CLSTN1: variants seen among roughly 807,000 people sequenced by gnomAD.
CLSTN1 encodes the protein calsyntenin-1.
A neutral mutation model predicts 108.3 loss-of-function variants in CLSTN1; 28 were observed. That is an observed-to-expected ratio of 0.26 (90% CI 0.19 to 0.35). The LOEUF is 0.35. Ranked by LOEUF, CLSTN1 falls within the 10% of genes least tolerant of loss-of-function variation. The pLI, the probability that CLSTN1 is intolerant of heterozygous loss-of-function variation, is 1.00. For synonymous variants in CLSTN1, 524 were observed against 534.9 expected (o/e 0.98, Z 0.28); for missense variants, 1,157 against 1,302.6 (o/e 0.89, Z 1.72).
intron 1 of CLSTN1, among the ~76,000 whole-genome samples, chr1:9,791,189 T>C (rs1232738767): frequency 6.7e-6 from 1 of 149,396 alleles, no homozygotes; most frequent in Non-Finnish European, 1.5e-5. Flanking sequence ...CTGTTAAACC[T>C]GGCTTAAATA....
chr1:9,778,525 A>G (rs1653068398), intron 1 of CLSTN1, among the ~76,000 whole-genome samples: 1 of 152,148 alleles, frequency 6.6e-6, no homozygotes, highest in African/African-American at 2.4e-5. Flanking sequence ...AGAGAGCTAG[A>G]AAATCTAGAG....
intron 1 of CLSTN1, among the ~76,000 whole-genome samples, chr1:9,789,296 C>G (rs937552820): frequency 6.6e-6 from 1 of 151,466 alleles, no homozygotes; most frequent in African/African-American, 2.4e-5. Context: ...ATTTTCCATT[C>G]CCACCAACCG....
intron 1 of CLSTN1, among the ~76,000 whole-genome samples, chr1:9,820,374 C>T (rs1655146882): frequency 6.6e-6 from 1 of 151,970 alleles, no homozygotes; most frequent in South Asian, 2.1e-4. Context: ...CAAAAATGAG[C>T]CCAGTGTGAT....
At chr1:9,768,309 T>C (rs906181366) in intron 2 of CLSTN1, among the ~76,000 whole-genome samples, 2 of 143,538 alleles carry the variant, frequency 1.4e-5, no homozygotes, top group Non-Finnish European at 3.0e-5. Flanking sequence ...GGTTCTGTGC[T>C]GGGCGGCACC....
At position 9,748,394 on chromosome 1, in the gene CLSTN1, T is replaced by C. The variant is rs558809024; in HGVS notation, c.985+1067A>G. Among the ~76,000 whole-genome samples the C allele has an allele frequency of 1.3e-4, 20 of 152,348 alleles. 1 individual carries two copies. In the South Asian group the frequency reaches 3.3e-3, roughly 25 times the overall value. ...AATTTCTCCACACAATATTGTGATA[T>C]AGAAAATCTATTGAGATTCTAAGTT... On this transcript the variant is annotated intron_variant, in intron 7 of 18. Coordinates refer to ENST00000377298, the MANE Select transcript of CLSTN1 (RefSeq NM_001009566.3).
chr1:9,771,828 C>T (rs1330057454), intron 2 of CLSTN1, among the ~76,000 whole-genome samples: 2 of 151,976 alleles, frequency 1.3e-5, no homozygotes, highest in Admixed American at 6.6e-5. Flanking sequence ...TGATGTGGCG[C>T]CTAAACAGAA....
chr1:9,773,899 A>AT (rs57507445), intron 1 of CLSTN1, among the ~76,000 whole-genome samples: 2,944 of 133,346 alleles, frequency 0.022, 89 homozygotes, highest in African/African-American at 0.073. Flanking sequence ...TACTTGACTT[A>AT]TTTTTTTTTT....
intron 15 of CLSTN1, 131 bp from the exon 16 acceptor site, chr1:9,733,677 C>CT: frequency 1.8e-6 from 2 of 1,097,328 alleles, no homozygotes; most frequent in Non-Finnish European, 2.7e-6. Flanking sequence ...CACAAGTTGG[C>CT]TTTCTAGCCA....
At chr1:9,770,938 A>T (rs148759881) in intron 2 of CLSTN1, among the ~76,000 whole-genome samples, 3 of 152,304 alleles carry the variant, frequency 2.0e-5, no homozygotes, top group Admixed American at 2.0e-4. Flanking sequence ...GGTTGCAGTG[A>T]GCCGAAATTG....
intron 4 of CLSTN1, among the ~76,000 whole-genome samples, chr1:9,752,293 T>G (rs1258936367): frequency 3.9e-5 from 6 of 152,024 alleles, no homozygotes; most frequent in East Asian, 1.9e-4. Flanking sequence ...AAAATTAGGG[T>G]GTCATCAGAC....
chr1:9,734,810 G>A lies in CLSTN1; in HGVS notation c.2110+138C>T, dbSNP rs1650595352. 8.6e-6 allele frequency: 6 copies of A among 696,794 alleles called. No individual in the cohort carries two copies. The highest frequency in any genetic ancestry group is 7.2e-5 in the African/African-American group (4 of 55,782). The allele number at this position is 696,794 out of a possible 1,614,324, so 43.2% of individuals were successfully genotyped here. ...GCTCCAGCTCACGGGTCAGATTCCA[G>A]AAGCACACCCGAGAGAACACCAACG... On this transcript the variant is annotated intron_variant, in intron 14 of 18. Transcript: ENST00000377298. The surrounding 1 kb of genome is among the most constrained non-coding windows in gnomAD (Gnocchi z 4.8).
Position 9,730,824 on chromosome 1 carries a change from C to CGACA in CLSTN1, c.2749-123_2749-120dup, listed in dbSNP as rs1459160909. The stretch of plus-strand genomic sequence containing the variant: ...CTTGCCCCAGCGTCTCCCTCCCCAG[C>CGACA]GACAGAGCAGCCAGGACGGCACCGG... On this transcript the variant is annotated intron_variant, in intron 18 of 18. Coordinates refer to ENST00000377298, the MANE Select transcript of CLSTN1 (RefSeq NM_001009566.3). This position sits in a 1 kb window ranked among gnomAD's most constrained non-coding sequence, Gnocchi z 5.6. 9.9e-5 allele frequency: 96 copies of CGACA among 966,652 alleles called. No individual in the cohort carries two copies. The East Asian group carries it at 2.0e-3, about 20-fold the overall frequency. The allele number at this position is 966,652 out of a possible 1,614,324, so 59.9% of individuals were successfully genotyped here. A position where few individuals can be genotyped will look rare whatever the true frequency, so the allele number is the denominator to read the frequency against.
Position 9,747,176 on chromosome 1 carries a change from C to CAAA in CLSTN1, c.985+2282_985+2284dup, listed in dbSNP as rs70998306. Among the ~76,000 whole-genome samples the CAAA allele has an allele frequency of 6.2e-3, 202 of 32,726 alleles. 13 individuals carry two copies. Among genetic ancestry groups the CAAA allele is most frequent in the Middle Eastern group, 0.017 (1 of 58 alleles). The allele number at this position is 32,726 out of a possible 152,430, so 21.5% of individuals were successfully genotyped here. ...CCTGGGCGACAGAGGGAGACTGTCT[C>CAAA]AAAAAAAAAAAAAAAAAAAAAAAAA... On this transcript the variant is annotated intron_variant, in intron 7 of 18. Coordinates refer to ENST00000377298, the MANE Select transcript of CLSTN1 (RefSeq NM_001009566.3).
chr1:9,736,884 C>T lies in CLSTN1; in HGVS notation c.1576+614G>A, dbSNP rs544487846. ...AGGTCAGAGTTTGAGACCAGCCTGG[C>T]GAACATGGCGAAACCCCGTCTCTAC... On this transcript the variant is annotated intron_variant, in intron 11 of 18. Coordinates refer to ENST00000377298, the MANE Select transcript of CLSTN1 (RefSeq NM_001009566.3). Among the ~76,000 whole-genome samples, 6 of 152,168 alleles carry T rather than the reference C, an allele frequency of 3.9e-5. No individual in the cohort carries two copies. In the East Asian group the frequency reaches 7.7e-4, roughly 20 times the overall value.
At chr1:9,744,745 GC>G in intron 7 of CLSTN1, 102 bp from the exon 8 acceptor site, 8 of 1,356,078 alleles carry the variant, frequency 5.9e-6, no homozygotes, top group Non-Finnish European at 7.8e-6. Flanking sequence ...CAATCTGCTG[GC>G]TCCAGTTTAC....
chr1:9,793,739 C>T (rs1240796185), intron 1 of CLSTN1, among the ~76,000 whole-genome samples: 5 of 151,524 alleles, frequency 3.3e-5, no homozygotes, highest in Non-Finnish European at 7.4e-5. Context: ...CCAGTTACAG[C>T]CACTGCTGCT....
At chr1:9,792,738 A>G (rs1220473079) in intron 1 of CLSTN1, among the ~76,000 whole-genome samples, 1 of 151,388 alleles carries the variant, frequency 6.6e-6, no homozygotes, top group Non-Finnish European at 1.5e-5. Context: ...GTTTGCAGGT[A>G]AAAATCCCCA....
chr1:9,761,429 C>T (rs1464014373), intron 2 of CLSTN1, among the ~76,000 whole-genome samples: 7 of 152,090 alleles, frequency 4.6e-5, no homozygotes. Flanking sequence ...GGATGTTAAG[C>T]CTGTAGTGAG....
At chr1:9,811,420 T>A (rs1157760501) in intron 1 of CLSTN1, among the ~76,000 whole-genome samples, 2 of 152,274 alleles carry the variant, frequency 1.3e-5, no homozygotes, top group East Asian at 3.9e-4. Flanking sequence ...CAAATGAAAA[T>A]GTTTTCTACA....
Sources: gnomAD v4.1 joint callset for allele counts (sites outside exome capture counted in the v4.1 genomes callset) on GRCh38, gnomAD v4.1.1 for gene constraint, Gnocchi (gnomAD v3.1) non-coding constraint, MANE v1.5 for transcripts, NCBI Gene and HGNC (gene_info 2026-07-23, HGNC 2026-07-21) for gene names.